The following LRRTM4 variants were observed in gnomAD, a reference collection of about 807,000 sequenced individuals.
The protein encoded by LRRTM4 is leucine rich repeat transmembrane neuronal 4.
In LRRTM4, 25 loss-of-function variants were observed where a neutral mutation model predicts 47.6. The observed-to-expected ratio is 0.53, with a 90% CI of 0.38 to 0.73. The LOEUF is 0.73. Among genes scored for constraint, LRRTM4 ranks in the 30% least tolerant of loss-of-function variants. LRRTM4 has a pLI of 0.00. For missense variants in LRRTM4, 638 were observed against 713.4 expected (o/e 0.89, Z 1.20); for synonymous variants, 311 against 269.5 (o/e 1.15, Z -1.51).
chr2:76,894,748 G>C (rs899913266), intron 3 of LRRTM4, among the ~76,000 whole-genome samples: 1 of 151,586 alleles, frequency 6.6e-6, no homozygotes, highest in African/African-American at 2.4e-5. Flanking sequence ...TTGTAAATTT[G>C]CTCACCGAAT....
At chr2:77,091,755 G>C (rs1256080513) in intron 3 of LRRTM4, among the ~76,000 whole-genome samples, 3 of 149,924 alleles carry the variant, frequency 2.0e-5, no homozygotes, top group Non-Finnish European at 4.5e-5. Flanking sequence ...TTCACAGACA[G>C]CCCCCATTAC....
At chr2:76,960,609 A>G (rs892434027) in intron 3 of LRRTM4, among the ~76,000 whole-genome samples, 1 of 151,370 alleles carries the variant, frequency 6.6e-6, no homozygotes, top group South Asian at 2.1e-4. Flanking sequence ...GCACACACAC[A>G]TATTATTTTC....
chr2:76,965,539 A>G (rs892409837), intron 3 of LRRTM4, among the ~76,000 whole-genome samples: 1 of 151,324 alleles, frequency 6.6e-6, no homozygotes, highest in African/African-American at 2.4e-5. Flanking sequence ...AAACTATTTT[A>G]TTGTTTTGGG....
At chr2:77,513,848 G>T (rs1217317920) in intron 3 of LRRTM4, among the ~76,000 whole-genome samples, 1 of 152,054 alleles carries the variant, frequency 6.6e-6, no homozygotes, top group Non-Finnish European at 1.5e-5. Flanking sequence ...TTACAGGCAT[G>T]AGCCACTGCA....
At chr2:77,114,329 G>A (rs957912060) in intron 3 of LRRTM4, among the ~76,000 whole-genome samples, 1 of 152,170 alleles carries the variant, frequency 6.6e-6, no homozygotes, top group African/African-American at 2.4e-5. Flanking sequence ...CCACTGCCCT[G>A]AATACGGTAA....
At chr2:76,834,993 T>A (rs1671468036) in intron 3 of LRRTM4, among the ~76,000 whole-genome samples, 1 of 152,082 alleles carries the variant, frequency 6.6e-6, no homozygotes, top group South Asian at 2.1e-4. Context: ...CAAGATACAT[T>A]CCATCAAGAG....
At chr2:77,099,376 T>G (rs1372551459) in intron 3 of LRRTM4, among the ~76,000 whole-genome samples, 1 of 151,960 alleles carries the variant, frequency 6.6e-6, no homozygotes, top group Non-Finnish European at 1.5e-5. Flanking sequence ...AATGAATATA[T>G]TCTGACTTTA....
At chr2:77,335,657 T>C (rs989339341) in intron 3 of LRRTM4, among the ~76,000 whole-genome samples, 1 of 152,210 alleles carries the variant, frequency 6.6e-6, no homozygotes, top group African/African-American at 2.4e-5. Flanking sequence ...TAATATTCAT[T>C]TATCATAATT....
intron 3 of LRRTM4, among the ~76,000 whole-genome samples, chr2:76,823,372 T>G (rs1453973411): frequency 6.6e-6 from 1 of 151,390 alleles, no homozygotes; most frequent in Non-Finnish European, 1.5e-5. Context: ...CATGAACACA[T>G]ACAATGAGAC....
intron 3 of LRRTM4, among the ~76,000 whole-genome samples, chr2:77,360,389 G>A (rs1241948243): frequency 2.0e-5 from 3 of 151,994 alleles, no homozygotes; most frequent in Non-Finnish European, 4.4e-5. Context: ...CCCAGGAGGC[G>A]GAGCTTGCAG....
intron 3 of LRRTM4, among the ~76,000 whole-genome samples, chr2:76,918,640 C>T (rs1368805846): frequency 6.6e-6 from 1 of 152,126 alleles, no homozygotes; most frequent in Non-Finnish European, 1.5e-5. Flanking sequence ...TCTGTGTAAT[C>T]ACTCTTGGTG....
intron 3 of LRRTM4, among the ~76,000 whole-genome samples, chr2:76,915,233 T>C (rs1374874310): frequency 2.0e-5 from 3 of 152,112 alleles, no homozygotes; most frequent in Admixed American, 2.0e-4. Flanking sequence ...GACTAATGGG[T>C]TGAAGTCTGT....
intron 3 of LRRTM4, among the ~76,000 whole-genome samples, chr2:77,414,763 T>A (rs1486991758): frequency 6.6e-6 from 1 of 152,196 alleles, no homozygotes. Flanking sequence ...ATGTGATCAA[T>A]GAGCAAATAT....
At chr2:77,092,592 T>G (rs1670684137) in intron 3 of LRRTM4, among the ~76,000 whole-genome samples, 1 of 145,724 alleles carries the variant, frequency 6.9e-6, no homozygotes, top group Non-Finnish European at 1.5e-5. Context: ...CACCCAGGAC[T>G]GGCAAATCAG....
chr2:77,405,017 A>AT (rs1427665764), intron 3 of LRRTM4, among the ~76,000 whole-genome samples: 1 of 152,042 alleles, frequency 6.6e-6, no homozygotes, highest in African/African-American at 2.4e-5. Context: ...TGTGATAGTC[A>AT]TTTTTTAAGA....
intron 3 of LRRTM4, among the ~76,000 whole-genome samples, chr2:76,820,421 G>C (rs1177468269): frequency 6.6e-6 from 1 of 151,800 alleles, no homozygotes; most frequent in Non-Finnish European, 1.5e-5. Context: ...GAGAATAATG[G>C]AGTGTTTAAA....
At chr2:76,998,718 A>G (rs533701790) in intron 3 of LRRTM4, among the ~76,000 whole-genome samples, 2 of 151,944 alleles carry the variant, frequency 1.3e-5, no homozygotes, top group South Asian at 4.2e-4. Flanking sequence ...AAAAACAGTC[A>G]CTGTCACAAT....
chr2:77,274,160 T>TAC (rs1031728655), intron 3 of LRRTM4, among the ~76,000 whole-genome samples: 1 of 151,786 alleles, frequency 6.6e-6, no homozygotes, highest in Non-Finnish European at 1.5e-5. Flanking sequence ...CACACACACA[T>TAC]ACACACACAA....
chr2:77,093,746 G>T (rs1240761161), intron 3 of LRRTM4, among the ~76,000 whole-genome samples: 3 of 152,116 alleles, frequency 2.0e-5, no homozygotes, highest in East Asian at 1.9e-4. Flanking sequence ...TGAAGTAACT[G>T]AAGAATCACA....
Sources: gnomAD v4.1 joint callset for allele counts (sites outside exome capture counted in the v4.1 genomes callset) on GRCh38, gnomAD v4.1.1 for gene constraint, MANE v1.5 for transcripts, NCBI Gene and HGNC (gene_info 2026-07-23, HGNC 2026-07-21) for gene names.